ZNF846: variants seen among roughly 807,000 people sequenced by gnomAD.
ZNF846 encodes zinc finger protein 420 pseudogene.
ZNF846 carries 15 observed loss-of-function variants against 16.0 expected under a neutral mutation model. The ratio of observed to expected loss-of-function variants is 0.94; its 90% CI spans 0.63 to 1.45. ZNF846 has a LOEUF of 1.45. ZNF846 is among the 40% of genes most tolerant of loss of function. The pLI is 0.00. For missense variants in ZNF846, 714 were observed against 622.3 expected (o/e 1.15, Z -1.57); for synonymous variants, 229 against 212.0 (o/e 1.08, Z -0.70).
At chr19:9,783,668 C>T (rs2045528712) in intron 1 of ZNF846, among the ~76,000 whole-genome samples, 1 of 148,506 alleles carries the variant, frequency 6.7e-6, no homozygotes, top group African/African-American at 2.5e-5. Flanking sequence ...TGTGAGTCAC[C>T]GTGTCCGGCC....
At chr19:9,758,253 G>A (rs1157106576) in exon 6 of ZNF846, 1 of 1,613,206 alleles carries the variant, frequency 6.2e-7, no homozygotes, top group Admixed American at 1.7e-5. Context: ...TCCACTGTGA[G>A]TTCTGATGTG....
chr19:9,759,475 T>C (rs1427896077), intron 5 of ZNF846, among the ~76,000 whole-genome samples: 1 of 151,320 alleles, frequency 6.6e-6, no homozygotes. Context: ...TGGTGGCTCA[T>C]GCCTGTAGTC....
intron 1 of ZNF846, among the ~76,000 whole-genome samples, chr19:9,783,539 AAAAAAATATATATAT>A (rs1009453281): frequency 2.4e-5 from 3 of 124,014 alleles, no homozygotes; most frequent in African/African-American, 8.9e-5. Context: ...AAAAAAAAAA[AAAAAAATATATATAT>A]ATATATATAT....
intron 1 of ZNF846, among the ~76,000 whole-genome samples, chr19:9,773,729 C>T (rs184639856): frequency 6.6e-6 from 1 of 152,058 alleles, no homozygotes. Context: ...TTGCAGTGAG[C>T]CGAGATTGCA....
At chr19:9,777,558 C>T (rs2045459460) in intron 1 of ZNF846, among the ~76,000 whole-genome samples, 1 of 151,784 alleles carries the variant, frequency 6.6e-6, no homozygotes, top group African/African-American at 2.4e-5. Flanking sequence ...GTAATCCCAG[C>T]TACTTGGGAG....
At chr19:9,776,224 G>A (rs2045440218) in intron 1 of ZNF846, among the ~76,000 whole-genome samples, 1 of 152,202 alleles carries the variant, frequency 6.6e-6, no homozygotes, top group South Asian at 2.1e-4. Flanking sequence ...GTTTATAGAA[G>A]ACTCTGCTCC....
downstream of ZNF846, among the ~76,000 whole-genome samples, chr19:9,753,148 C>T (rs1256129066): frequency 5.3e-5 from 8 of 151,590 alleles, 1 homozygote; most frequent in African/African-American, 2.0e-4. Flanking sequence ...TCATCATGTC[C>T]CAAAATTCCC....
At chr19:9,757,370 T>C, downstream of ZNF846, 1 of 920,062 alleles carries the variant, frequency 1.1e-6, no homozygotes, top group South Asian at 1.7e-5. Context: ...TTCATTCCTA[T>C]TATATAAGAT....
exon 6 of ZNF846, chr19:9,758,597 G>A (rs977452460): frequency 1.9e-6 from 3 of 1,612,610 alleles, no homozygotes; most frequent in Admixed American, 1.7e-5. Flanking sequence ...GACTTTTCTT[G>A]TAAAAACTAT....
chr19:9,782,925 C>CT (rs59602183), intron 1 of ZNF846, among the ~76,000 whole-genome samples: 51,654 of 147,252 alleles, frequency 0.35, 12,509 homozygotes, highest in African/African-American at 0.69. Flanking sequence ...CTCCCTGTAA[C>CT]TTTTTTTTTT....
At chr19:9,756,320 CAT>C (rs1257250896), downstream of ZNF846, 25 of 80,858 alleles carry the variant, frequency 3.1e-4, no homozygotes, top group Admixed American at 1.0e-3. Flanking sequence ...TGTGTGTGTG[CAT>C]ATATATGTGT....
At chr19:9,773,735 T>A (rs1010137060) in intron 1 of ZNF846, among the ~76,000 whole-genome samples, 10 of 151,914 alleles carry the variant, frequency 6.6e-5, no homozygotes, top group African/African-American at 1.2e-4. Context: ...TGAGCCGAGA[T>A]TGCACCACTG....
intron 1 of ZNF846, among the ~76,000 whole-genome samples, chr19:9,780,043 A>ATTTTTTTTTT (rs1568330804): frequency 8.0e-6 from 1 of 124,904 alleles, no homozygotes; most frequent in African/African-American, 3.6e-5. Context: ...TGCCCAGCTA[A>ATTTTTTTTTT]TTTTGTTTTT....
At chr19:9,768,190 C>G (rs1471034257) in intron 1 of ZNF846, 99 bp downstream of exon 1, 1 of 152,188 alleles carries the variant, frequency 6.6e-6, no homozygotes, top group Non-Finnish European at 1.5e-5. Context: ...CCTACAACTC[C>G]TGCACACTTG....
At chr19:9,778,368 C>G (rs2045468033) in intron 1 of ZNF846, among the ~76,000 whole-genome samples, 1 of 152,236 alleles carries the variant, frequency 6.6e-6, no homozygotes, top group Non-Finnish European at 1.5e-5. Flanking sequence ...ATGTCAAAGG[C>G]ATCCCCAGTA....
At chr19:9,751,611 T>C (rs1301444222), downstream of ZNF846, among the ~76,000 whole-genome samples, 1 of 152,076 alleles carries the variant, frequency 6.6e-6, no homozygotes, top group Non-Finnish European at 1.5e-5. Flanking sequence ...CTCCCATCCC[T>C]TGTGACAATA....
exon 6 of ZNF846, chr19:9,758,677 T>C (rs1252262488): frequency 6.2e-7 from 1 of 1,612,410 alleles, no homozygotes; most frequent in Non-Finnish European, 8.5e-7. Context: ...ATGTGAGTTA[T>C]CATGTGAGTC....
At chr19:9,765,776 T>A (rs2045305595) in intron 1 of ZNF846, among the ~76,000 whole-genome samples, 1 of 151,954 alleles carries the variant, frequency 6.6e-6, no homozygotes, top group African/African-American at 2.4e-5. Context: ...TTCTGACACT[T>A]AATACTCTAA....
chr19:9,764,112 G>T (rs967022293), intron 2 of ZNF846, among the ~76,000 whole-genome samples: 7 of 152,178 alleles, frequency 4.6e-5, no homozygotes, highest in Non-Finnish European at 5.9e-5. Flanking sequence ...TCTGGGAATG[G>T]AATGCGACCC....
Sources: gnomAD v4.1 joint callset for allele counts (sites outside exome capture counted in the v4.1 genomes callset) on GRCh38, gnomAD v4.1.1 for gene constraint, MANE v1.5 for transcripts, NCBI Gene and HGNC (gene_info 2026-07-23, HGNC 2026-07-21) for gene names.